SRP54: variants seen among roughly 807,000 people sequenced by gnomAD.
SRP54 encodes signal recognition particle 54.
In SRP54, 10 loss-of-function variants were observed where a neutral mutation model predicts 64.8. That is an observed-to-expected ratio of 0.15 (90% CI 0.10 to 0.26). SRP54 has a LOEUF of 0.26. Among genes scored for constraint, SRP54 ranks in the 10% least tolerant of loss-of-function variants. The probability of loss-of-function intolerance (pLI) is 1.00; values close to 1 mark genes in which losing one functional copy is unlikely to be tolerated. For synonymous variants in SRP54, 193 were observed against 185.6 expected (o/e 1.04, Z -0.32); for missense variants, 325 against 613.7 (o/e 0.53, Z 4.97).
At chr14:35,018,262 T>G (rs1005520743) in intron 11 of SRP54, among the ~76,000 whole-genome samples, 1 of 152,262 alleles carries the variant, frequency 6.6e-6, no homozygotes. Context: ...TTCCTGTTCA[T>G]AGATACCTAA....
chr14:34,987,238 A>AT (rs1338204510), intron 1 of SRP54, among the ~76,000 whole-genome samples: 4 of 67,280 alleles, frequency 5.9e-5, no homozygotes, highest in African/African-American at 1.9e-4. Flanking sequence ...CTGAAAAAAA[A>AT]AAAAAAAAAT....
chr14:35,001,416 G>T (rs1451976115), intron 4 of SRP54, among the ~76,000 whole-genome samples: 1 of 152,128 alleles, frequency 6.6e-6, no homozygotes, highest in East Asian at 1.9e-4. Context: ...CTCCCAAAGT[G>T]CTGGGATTAT....
rs377579722 is a variant in SRP54 at position 35,024,201 on chromosome 14, G to A, written c.1327+1121G>A. Reference sequence around the variant, plus strand: ...CACCACTACCGCCTGGCTAATTTTTGTATTTTTAGTAGAGACGGGGTTTCA... The same window carrying A: ...CACCACTACCGCCTGGCTAATTTTTATATTTTTAGTAGAGACGGGGTTTCA... On this transcript the variant is annotated intron_variant, in intron 14 of 15. Coordinates refer to ENST00000216774, the MANE Select transcript of SRP54 (RefSeq NM_003136.4). 5.7e-3 allele frequency among the ~76,000 whole-genome samples: 866 copies of A among 152,056 alleles called. 13 individuals carry two copies. Among genetic ancestry groups the A allele is most frequent in the South Asian group, 0.05 (242 of 4,804 alleles).
In SRP54 at chr14:35,029,208, A is replaced by C; in HGVS notation, c.*56A>C. The C allele has an allele frequency of 7.1e-7, 1 of 1,403,780 alleles. No individual in the cohort carries two copies. Among genetic ancestry groups the C allele is most frequent in the Non-Finnish European group, 9.9e-7 (1 of 1,009,998 alleles). 87.0% of individuals were successfully genotyped at this position (1,403,780 alleles called of 1,614,324 possible). ...TGAATACCTAATTTGCTGAGACCTC[A>C]GCGTTTCCCTTCTTTTTGCGAATTG... On this transcript the variant is annotated 3_prime_UTR_variant, in exon 16 of 16. Coordinates refer to ENST00000216774, the MANE Select transcript of SRP54 (RefSeq NM_003136.4).
At chr14:35,025,902 T>TA (rs1263906848) in intron 14 of SRP54, among the ~76,000 whole-genome samples, 1 of 151,990 alleles carries the variant, frequency 6.6e-6, no homozygotes, top group Non-Finnish European at 1.5e-5. Flanking sequence ...TTCAAATAAA[T>TA]AATTTTGGAT....
In SRP54 at chr14:35,013,431, A is replaced by G; in HGVS notation, c.722A>G (p.Asp241Gly). 2 of 1,614,216 alleles carry G rather than the reference A, an allele frequency of 1.2e-6. No individual in the cohort carries two copies. Among genetic ancestry groups the G allele is most frequent in the South Asian group, 1.1e-5 (1 of 91,086 alleles). ...GCTAAGGCTTTTAAAGATAAAGTAG[A>G]TGTAGCCTCAGTAATAGTGACAAAA... ...AQAKAFKDKV[D>G]VASVIVTKLD... is the part of the protein sequence containing the mutation. Residue 241 changes from aspartate to glycine, a missense_variant, in exon 9 of 16, where the codon GAT becomes GGT. Transcript: ENST00000216774.
intron 4 of SRP54, among the ~76,000 whole-genome samples, chr14:35,005,535 C>G (rs189875698): frequency 4.6e-5 from 7 of 152,082 alleles, no homozygotes; most frequent in African/African-American, 1.7e-4. Context: ...TTAGCTGGGA[C>G]CACAGGTGCG....
chr14:35,029,387 A>T lies in SRP54; in HGVS notation c.*235A>T. The T allele has an allele frequency of 2.7e-6, 1 of 370,074 alleles. No homozygotes were observed. The highest frequency in any genetic ancestry group is 4.5e-5 in the Admixed American group (1 of 22,168). The allele number at this position is 370,074 out of a possible 1,614,324, so 22.9% of individuals were successfully genotyped here. ...GGAAATCATTATATGTTTGCTTTAG[A>T]TTTTCTTCTGTTTTCACCATCATAA... On this transcript the variant is annotated 3_prime_UTR_variant, in exon 16 of 16. Transcript: ENST00000216774.
At chr14:35,027,865 G>A (rs1462435344) in intron 14 of SRP54, 1 of 319,086 alleles carries the variant, frequency 3.1e-6, no homozygotes, top group Admixed American at 4.7e-5. Context: ...CCTTTTATAT[G>A]TCCTTTTATA....
intron 7 of SRP54, 52 bp downstream of exon 7, chr14:35,008,883 GC>G: frequency 2.4e-6 from 2 of 847,352 alleles, no homozygotes; most frequent in South Asian, 4.3e-5. Context: ...TTGTCTGTCA[GC>G]TTTTTTTTTT....
intron 12 of SRP54, 76 bp downstream of exon 12, chr14:35,018,841 A>AT (rs2044481240): frequency 6.8e-7 from 1 of 1,465,698 alleles, no homozygotes; most frequent in African/African-American, 1.4e-5. Flanking sequence ...TGCTTTAATT[A>AT]TTTTTACATT....
chr14:35,014,275 CTTTTTTT>C (rs1269464538), intron 10 of SRP54, among the ~76,000 whole-genome samples: 4 of 102,210 alleles, frequency 3.9e-5, no homozygotes, highest in African/African-American at 1.0e-4. Context: ...TGCCACTTAA[CTTTTTTT>C]TTTTTTTTTT....
Position 35,008,883 on chromosome 14 carries a change from G to GC in SRP54, c.485+53dup, listed in dbSNP as rs2044309346. The GC allele has an allele frequency of 1.3e-5, 11 of 847,362 alleles. No individual in the cohort carries two copies. In the South Asian group the frequency reaches 1.7e-4, roughly 13 times the overall value. The allele number at this position is 847,362 out of a possible 1,614,324, so 52.5% of individuals were successfully genotyped here. On this transcript the variant is annotated intron_variant, in intron 7 of 15. Transcript: ENST00000216774. ...CTTATATCCCTCTTCTTGTCTGTCA[G>GC]CTTTTTTTTTTTTTTTTTTTTGAGA...
Position 35,028,071 on chromosome 14 carries a change from T to C in SRP54, c.1328-17T>C, listed in dbSNP as rs905797662. 4 of 1,583,902 alleles carry C rather than the reference T, an allele frequency of 2.5e-6. No homozygotes were observed. In the African/African-American group the frequency reaches 5.4e-5, roughly 22 times the overall value. Reference sequence around the variant, plus strand: ...ACCTCCTACGCTGACTCAAAATCTTTTTTTTTTTCCCCTCAGGTGGCGACA... The same window carrying C: ...ACCTCCTACGCTGACTCAAAATCTTCTTTTTTTTCCCCTCAGGTGGCGACA... On this transcript the variant is annotated splice_polypyrimidine_tract_variant and intron_variant, in intron 14 of 15. Coordinates refer to ENST00000216774, the MANE Select transcript of SRP54 (RefSeq NM_003136.4).
At position 35,000,966 on chromosome 14, in the gene SRP54, T is replaced by C. The variant is rs2044160982; in HGVS notation, c.201T>C (p.Ser67=). 6.3e-7 allele frequency: 1 copy of C among 1,594,672 alleles called. No homozygotes were observed. The highest frequency in any genetic ancestry group is 8.5e-7 in the Non-Finnish European group (1 of 1,171,472). The change falls in exon 4 of 16, where the codon TCT becomes TCC. Residue 67 remains serine (S), a synonymous_variant. Transcript: ENST00000216774. ...KSAIDLEEMA[S]GLNKRKMIQH... ...CTATTGATCTTGAAGAGATGGCATC[T>C]GGTCTTAACAAAAGAAAAATGATTC...
chr14:34,999,779 G>T, intron 3 of SRP54, 130 bp downstream of exon 3: 1 of 622,414 alleles, frequency 1.6e-6, no homozygotes. Flanking sequence ...TGCTGTGTTG[G>T]AGCTCATATG....
intron 14 of SRP54, among the ~76,000 whole-genome samples, chr14:35,024,502 C>T (rs1595016410): frequency 1.3e-5 from 2 of 152,028 alleles, no homozygotes; most frequent in African/African-American, 4.8e-5. Flanking sequence ...TCCTTAAAAT[C>T]TTTGGTTTAT....
chr14:35,008,081 C>T (rs531358787), intron 5 of SRP54, among the ~76,000 whole-genome samples: 41 of 152,200 alleles, frequency 2.7e-4, no homozygotes, highest in Middle Eastern at 6.8e-3. Context: ...GGTTCCCACC[C>T]AGCATACTAT....
rs1386651305 is a variant in SRP54 at position 35,028,062 on chromosome 14, C to CA, written c.1328-22dup. The CA allele has an allele frequency of 4.5e-6, 7 of 1,553,504 alleles. No homozygotes were observed. The Middle Eastern group carries it at 8.5e-4, about 189-fold the overall frequency. ...GATTATATTACCTCCTACGCTGACT[C>CA]AAAATCTTTTTTTTTTTCCCCTCAG... On this transcript the variant is annotated intron_variant, in intron 14 of 15. Transcript: ENST00000216774.
Sources: allele counts gnomAD v4.1 joint callset (sites outside exome capture counted in the v4.1 genomes callset), GRCh38; gene constraint gnomAD v4.1.1; transcripts MANE v1.5; gene names NCBI Gene and HGNC (gene_info 2026-07-23, HGNC 2026-07-21).